The following PLOD2 variants were observed in gnomAD, a reference collection of about 807,000 sequenced individuals.
PLOD2 encodes lysine hydroxylase 2.
PLOD2 carries 65 observed loss-of-function variants against 101.0 expected under a neutral mutation model. The ratio of observed to expected loss-of-function variants is 0.64; its 90% CI spans 0.53 to 0.79. PLOD2 has a LOEUF of 0.79. PLOD2 is among the 30% of genes least tolerant of loss of function. The pLI, the probability that PLOD2 is intolerant of heterozygous loss-of-function variation, is 0.00. For missense variants in PLOD2, 909 were observed against 914.6 expected (o/e 0.99, Z 0.08); for synonymous variants, 314 against 302.9 (o/e 1.04, Z -0.38).
At position 146,094,689 on chromosome 3, in the gene PLOD2, T is replaced by C. The variant is rs536663215; in HGVS notation, c.778-2788A>G. Among the ~76,000 whole-genome samples, 614 of 152,230 alleles carry C rather than the reference T, an allele frequency of 4.0e-3. 3 individuals are homozygous for C. Among genetic ancestry groups the C allele is most frequent in the African/African-American group, 0.014 (574 of 41,552 alleles). ...CAATGTTATTCCCATCAAGCTACCA[T>C]TGACTTTATTCACAAAACTAGAAAA... On this transcript the variant is annotated intron_variant, in intron 7 of 19. Coordinates refer to ENST00000282903, the MANE Select transcript of PLOD2 (RefSeq NM_182943.3).
At position 146,110,394 on chromosome 3, in the gene PLOD2, CT is replaced by C; in HGVS notation, c.392del (p.Lys131ArgfsTer20). On this transcript the variant is annotated frameshift_variant, in exon 4 of 20. Coordinates refer to ENST00000282903, the MANE Select transcript of PLOD2 (RefSeq NM_182943.3). LOFTEE classifies it high-confidence loss of function. The stretch of plus-strand genomic sequence containing the variant: ...CTGCAAAGACCACTTTGTGGTTTGC[CT>C]TTTGGAATTTTTTTAGAACTTCTTC... Reference protein sequence around the residue: ...GPEEVLKKFQKANHKVVFAAD... With the variant: ...GPEEVLKKFQXANHKVVFAAD... 1 of 1,613,532 alleles carries C rather than the reference CT, an allele frequency of 6.2e-7. No individual in the cohort carries two copies.
At chr3:146,083,728 C>T (rs1345168387) in intron 11 of PLOD2, among the ~76,000 whole-genome samples, 1 of 151,764 alleles carries the variant, frequency 6.6e-6, no homozygotes, top group African/African-American at 2.4e-5. Flanking sequence ...ACTACAGGTG[C>T]CCGCTACCAC....
chr3:146,104,491 G>A (rs981308708), intron 5 of PLOD2, 149 bp from the exon 6 acceptor site: 2 of 604,856 alleles, frequency 3.3e-6, no homozygotes, highest in Non-Finnish European at 5.9e-6. Context: ...GATGACTAAA[G>A]TATTTAGCTA....
intron 16 of PLOD2, 109 bp from the exon 17 acceptor site, chr3:146,072,774 CAT>C (rs1470906473): frequency 6.9e-6 from 5 of 726,704 alleles, no homozygotes; most frequent in East Asian, 2.7e-5. Flanking sequence ...GACTAGGAAA[CAT>C]AGTTTTCTGT....
intron 1 of PLOD2, among the ~76,000 whole-genome samples, chr3:146,134,995 G>T (rs1363261419): frequency 6.6e-6 from 1 of 152,132 alleles, no homozygotes; most frequent in Non-Finnish European, 1.5e-5. Flanking sequence ...ACTGAAACAG[G>T]AACAAAAATG....
chr3:146,081,783 T>C lies in PLOD2; in HGVS notation c.1313A>G (p.Tyr438Cys). 1 of 1,610,724 alleles carries C rather than the reference T, an allele frequency of 6.2e-7. No individual in the cohort carries two copies. The highest frequency in any genetic ancestry group is 8.5e-7 in the Non-Finnish European group (1 of 1,177,044). ...ATCCACATAATCTTCAGATCGTGCA[T>C]AGTATCCATCAGGACTCAATGCTCC... is the stretch of plus-strand genomic sequence containing the variant. The part of the protein sequence containing the change: ...FWGALSPDGY[Y>C]ARSEDYVDIV... Residue 438 changes from tyrosine to cysteine, a missense_variant, in exon 12 of 20, where the codon TAT becomes TGT. Coordinates refer to ENST00000282903, the MANE Select transcript of PLOD2 (RefSeq NM_182943.3).
At chr3:146,097,261 A>G (rs1329705662) in intron 7 of PLOD2, among the ~76,000 whole-genome samples, 1 of 149,492 alleles carries the variant, frequency 6.7e-6, no homozygotes, top group African/African-American at 2.5e-5. Context: ...GGAAGTGAGG[A>G]GCCCCTCTGC....
chr3:146,074,251 T>C (rs1000913258), intron 15 of PLOD2, among the ~76,000 whole-genome samples: 5 of 151,600 alleles, frequency 3.3e-5, no homozygotes, highest in African/African-American at 1.2e-4. Flanking sequence ...AAAAGATATC[T>C]TCTGAAATTT....
Position 146,161,172 on chromosome 3 carries a change from G to C in PLOD2, c.-183C>G, listed in dbSNP as rs2032567945. ...GCAGCTGAGTGAGGTCGTCGGTGGA[G>C]GCACGGAGCAGCAGGCGCCCGGGGC... On this transcript the variant is annotated 5_prime_UTR_variant, in exon 1 of 20. Transcript: ENST00000282903. 4.5e-5 allele frequency: 18 copies of C among 395,934 alleles called. No individual in the cohort carries two copies. In the East Asian group the frequency reaches 7.7e-4, roughly 17 times the overall value. 24.5% of individuals were successfully genotyped at this position (395,934 alleles called of 1,614,324 possible). A position where few individuals can be genotyped will look rare whatever the true frequency, so the allele number is the denominator to read the frequency against.
At position 146,073,306 on chromosome 3, in the gene PLOD2, G is replaced by C; in HGVS notation, c.1724C>G (p.Thr575Ser). 1 of 1,237,400 alleles carries C rather than the reference G, an allele frequency of 8.1e-7. No individual in the cohort carries two copies. Among genetic ancestry groups the C allele is most frequent in the Non-Finnish European group, 1.2e-6 (1 of 860,678 alleles). The allele number at this position is 1,237,400 out of a possible 1,614,324, so 76.7% of individuals were successfully genotyped here. A position where few individuals can be genotyped will look rare whatever the true frequency, so the allele number is the denominator to read the frequency against. The change falls in exon 16 of 20, where the codon ACT (threonine) becomes AGT (serine). Residue 575 changes from threonine to serine, a missense_variant. Physicochemically the swap from Thr to Ser is moderately conservative, Grantham distance 58. Transcript: ENST00000282903. ...ACAAACCTGTTCAACTATATTTTCA[G>C]TGAAAATCTTTGAATAATCACGGTT... ...YINRDYSKIF[T>S]ENIVEQPCPD...
At chr3:146,138,412 C>T (rs990883610) in intron 1 of PLOD2, among the ~76,000 whole-genome samples, 7 of 151,702 alleles carry the variant, frequency 4.6e-5, no homozygotes, top group Non-Finnish European at 8.8e-5. Flanking sequence ...CATAGAGTGT[C>T]GCAGGGAGTC....
chr3:146,075,477 C>G (rs1936294533), intron 15 of PLOD2, among the ~76,000 whole-genome samples: 1 of 76,418 alleles, frequency 1.3e-5, no homozygotes, highest in Non-Finnish European at 2.5e-5. Context: ...TACTGTACCA[C>G]TCAAATCTGT....
intron 16 of PLOD2, among the ~76,000 whole-genome samples, chr3:146,073,085 T>C (rs1219596740): frequency 6.6e-6 from 1 of 151,652 alleles, no homozygotes; most frequent in Non-Finnish European, 1.5e-5. Flanking sequence ...TAAAAAGGCA[T>C]GCTTTTAAAA....
At position 146,124,211 on chromosome 3, in the gene PLOD2, G is replaced by C. The variant is rs1008194178; in HGVS notation, c.128C>G (p.Thr43Ser). The C allele has an allele frequency of 3.2e-6, 5 of 1,579,548 alleles. No homozygotes were observed. The highest frequency in any genetic ancestry group is 4.5e-5 in the East Asian group (2 of 44,620). The change falls in exon 2 of 20, where the codon ACT becomes AGT. Residue 43 changes from threonine to serine, a missense_variant. Coordinates refer to ENST00000282903, the MANE Select transcript of PLOD2 (RefSeq NM_182943.3). ...TCCATCACTTTCTTTTGTTGCTACA[G>C]TTATGACTAATAATTTATCTGCAAA... is the stretch of plus-strand genomic sequence containing the variant. The part of the protein sequence containing the change: ...SIPTDKLLVI[T>S]VATKESDGFH...
chr3:146,135,456 T>C (rs1449777866), intron 1 of PLOD2, among the ~76,000 whole-genome samples: 1 of 152,174 alleles, frequency 6.6e-6, no homozygotes, highest in Admixed American at 6.5e-5. Context: ...CTCATCTTTA[T>C]GTAAGGAGGT....
At chr3:146,076,398 A>T (rs761400938) in intron 15 of PLOD2, 12 of 173,252 alleles carry the variant, frequency 6.9e-5, no homozygotes, top group Non-Finnish European at 1.2e-4. Context: ...ATAGTGCTGC[A>T]ACGAACAGAT....
chr3:146,124,047 C>CT (rs749090128), intron 2 of PLOD2, 91 bp downstream of exon 2: 2 of 764,506 alleles, frequency 2.6e-6, no homozygotes, highest in Non-Finnish European at 4.7e-6. Flanking sequence ...TGCTATCTTC[C>CT]TTGTGAGGAT....
At chr3:146,112,219 T>C (rs1359738563) in intron 3 of PLOD2, among the ~76,000 whole-genome samples, 5 of 152,168 alleles carry the variant, frequency 3.3e-5, no homozygotes, top group African/African-American at 1.2e-4. Context: ...TGCAGCATTA[T>C]TTACAATAGC....
chr3:146,081,191 G>A (rs1234957517), intron 12 of PLOD2, among the ~76,000 whole-genome samples: 1 of 151,972 alleles, frequency 6.6e-6, no homozygotes, highest in Non-Finnish European at 1.5e-5. Context: ...TATAAATCAT[G>A]CACACACTTT....
Sources: gnomAD v4.1 joint callset for allele counts (sites outside exome capture counted in the v4.1 genomes callset) on GRCh38, gnomAD v4.1.1 for gene constraint, MANE v1.5 for transcripts, NCBI Gene and HGNC (gene_info 2026-07-23, HGNC 2026-07-21) for gene names.